The following DNMT3A variants were observed in gnomAD, a reference collection of about 807,000 sequenced individuals.
DNMT3A encodes DNA (cytosine-5)-methyltransferase 3A.
DNMT3A carries 267 observed loss-of-function variants against 117.6 expected under a neutral mutation model. The ratio of observed to expected loss-of-function variants is 2.27; its 90% CI spans 2.05 to 2.51. The LOEUF (loss-of-function observed/expected upper bound fraction) is 2.51. DNMT3A is among the 30% of genes most tolerant of loss of function. The pLI, the probability that DNMT3A is intolerant of heterozygous loss-of-function variation, is 0.00. For synonymous variants in DNMT3A, 432 were observed against 474.8 expected, an observed-to-expected ratio of 0.91 and a Z score of 1.17; for missense variants, 1,029 against 1,260.2, an observed-to-expected ratio of 0.82 and a Z score of 2.78.
intron 6 of DNMT3A, among the ~76,000 whole-genome samples, chr2:25,248,960 G>A (rs1044783998): frequency 6.6e-6 from 1 of 152,158 alleles, no homozygotes; most frequent in Admixed American, 6.5e-5. Context: ...TTGGTGTGCT[G>A]CACCCATTAA....
intron 20 of DNMT3A, 128 bp downstream of exon 20, chr2:25,239,002 A>G (rs2149266638): frequency 4.2e-6 from 3 of 711,064 alleles, no homozygotes; most frequent in East Asian, 2.7e-5. Context: ...AATAAGGAAC[A>G]TGGCAGAGCA....
At chr2:25,261,104 G>A (rs568715189) in intron 6 of DNMT3A, among the ~76,000 whole-genome samples, 4 of 152,174 alleles carry the variant, frequency 2.6e-5, no homozygotes, top group Admixed American at 2.6e-4. Context: ...GACCAGCCTG[G>A]CCAACATGGT....
At chr2:25,333,137 T>A (rs2035076011) in intron 1 of DNMT3A, among the ~76,000 whole-genome samples, 3 of 152,138 alleles carry the variant, frequency 2.0e-5, no homozygotes, top group Non-Finnish European at 4.4e-5. Context: ...TATTGGCAGC[T>A]GGAAAAAGGG....
rs995293980 is a variant in DNMT3A, at chr2:25,236,355, G to A, written c.2479-530C>T. On this transcript the variant is annotated intron_variant, in intron 21 of 22. Coordinates refer to ENST00000321117, the MANE Select transcript of DNMT3A (RefSeq NM_022552.5). This position sits in a 1 kb window ranked among gnomAD's most constrained non-coding sequence, Gnocchi z 4.5. ...ATTGGGATTATAGGCGTGAGCCACC[G>A]CACCCGGCCTAGCCACAGACTTTAG... 3.9e-5 allele frequency among the ~76,000 whole-genome samples: 6 copies of A among 152,132 alleles called. No individual in the cohort carries two copies. Among genetic ancestry groups the A allele is most frequent in the African/African-American group, 1.2e-4 (5 of 41,428 alleles).
chr2:25,243,903 G>A lies in DNMT3A; in HGVS notation c.1931C>T (p.Ala644Val). ...IRVLSLFDGI[A>V]TGLLVLKDLG... ...CTTGGGCCTGCACCCCTCACCTGTA[G>A]CGATTCCATCAAAGAGAGACAGCAC... Residue 644 changes from alanine (A) to valine (V), a missense_variant, in exon 16 of 23, where the codon GCT (alanine) becomes GTT (valine). Coordinates refer to ENST00000321117, the MANE Select transcript of DNMT3A (RefSeq NM_022552.5). 1 of 1,551,954 alleles carries A rather than the reference G, an allele frequency of 6.4e-7. No individual in the cohort carries two copies. Among genetic ancestry groups the A allele is most frequent in the Non-Finnish European group, 8.7e-7 (1 of 1,147,046 alleles).
In DNMT3A at chr2:25,327,144, A is replaced by C. The variant is rs1178086487; in HGVS notation, c.-177-12983T>G. Among the ~76,000 whole-genome samples the C allele has an allele frequency of 6.6e-6, 1 of 152,092 alleles. No individual in the cohort carries two copies. Among genetic ancestry groups the C allele is most frequent in the Admixed American group, 6.5e-5 (1 of 15,268 alleles). On this transcript the variant is annotated intron_variant, in intron 1 of 22. Coordinates refer to ENST00000321117, the MANE Select transcript of DNMT3A (RefSeq NM_022552.5). This position sits in a 1 kb window ranked among gnomAD's most constrained non-coding sequence, Gnocchi z 4.1. ...AACCCTAGAGGTAGGGGCTGTTCTC[A>C]TATCTATTATTTTTGTATTCTTTGG...
At chr2:25,249,631 C>T (rs1675270559) in intron 6 of DNMT3A, 1 of 1,613,990 alleles carries the variant, frequency 6.2e-7, no homozygotes, top group South Asian at 1.1e-5. Context: ...AGTTATTCTC[C>T]CATTGCACAG....
chr2:25,329,687 A>G (rs943308103), intron 1 of DNMT3A, among the ~76,000 whole-genome samples: 1 of 148,806 alleles, frequency 6.7e-6, no homozygotes, highest in Non-Finnish European at 1.5e-5. Flanking sequence ...ACACACACAC[A>G]CACACACACA....
chr2:25,247,561 C>A lies in DNMT3A; in HGVS notation c.1014+30G>T, dbSNP rs768468205. On this transcript the variant is annotated intron_variant, in intron 8 of 22. Coordinates refer to ENST00000321117, the MANE Select transcript of DNMT3A (RefSeq NM_022552.5). This position sits in a 1 kb window ranked among gnomAD's most constrained non-coding sequence, Gnocchi z 5.6. Reference sequence around the variant, plus strand: ...CCTGGGATCAAGAACCTTCCCCCACCCCAGGCTACTGCCAAACCCCACAAC... The same window carrying A: ...CCTGGGATCAAGAACCTTCCCCCACACCAGGCTACTGCCAAACCCCACAAC... The A allele has an allele frequency of 6.2e-7, 1 of 1,608,616 alleles. No individual in the cohort carries two copies. The highest frequency in any genetic ancestry group is 2.2e-5 in the East Asian group (1 of 44,780).
chr2:25,269,128 C>T (rs891665813), intron 6 of DNMT3A, among the ~76,000 whole-genome samples: 1 of 152,168 alleles, frequency 6.6e-6, no homozygotes, highest in South Asian at 2.1e-4. Flanking sequence ...TCGAGACCAG[C>T]CAGGTCAACA....
At chr2:25,246,964 G>A (rs1558670752) in intron 9 of DNMT3A, 87 bp downstream of exon 9, 12 of 1,512,448 alleles carry the variant, frequency 7.9e-6, no homozygotes, top group East Asian at 4.8e-5. Flanking sequence ...CTGGGCCTCC[G>A]TTCTGCTCAA....
rs1475919379 is a variant in DNMT3A at position 25,314,164 on chromosome 2, G to GT, written c.-177-4dup. 7.0e-7 allele frequency: 1 copy of GT among 1,423,630 alleles called. No individual in the cohort carries two copies. The highest frequency in any genetic ancestry group is 9.2e-7 in the Non-Finnish European group (1 of 1,092,658). The allele number at this position is 1,423,630 out of a possible 1,614,324, so 88.2% of individuals were successfully genotyped here. ...GGTGGGGGCTTCGATGGCTCCACCT[G>GT]TGGGGGAGAGAAGAGGATCAGTGGG... On this transcript the variant is annotated splice_polypyrimidine_tract_variant and splice_region_variant and intron_variant, in intron 1 of 22. Coordinates refer to ENST00000321117, the MANE Select transcript of DNMT3A (RefSeq NM_022552.5).
In DNMT3A at chr2:25,233,223, A is replaced by T; in HGVS notation, c.*1056T>A. The T allele has an allele frequency of 4.3e-6, 1 of 233,764 alleles. No homozygotes were observed. Among genetic ancestry groups the T allele is most frequent in the Non-Finnish European group, 8.5e-6 (1 of 118,034 alleles). The allele number at this position is 233,764 out of a possible 1,614,324, so 14.5% of individuals were successfully genotyped here. A position where few individuals can be genotyped will look rare whatever the true frequency, so the allele number is the denominator to read the frequency against. Reference sequence around the variant, plus strand: ...GTCCACGGGCCCGACCACCTCATCTAGCCCCCTTTTTGGCAGGGAGAACCT... The same window carrying T: ...GTCCACGGGCCCGACCACCTCATCTTGCCCCCTTTTTGGCAGGGAGAACCT... On this transcript the variant is annotated 3_prime_UTR_variant, in exon 23 of 23. Transcript: ENST00000321117.
rs995726989 is a variant in DNMT3A, at chr2:25,229,453, C to T, written c.*4826G>A. 3 of 152,288 alleles carry T rather than the reference C, an allele frequency of 2.0e-5. No individual in the cohort carries two copies. The highest frequency in any genetic ancestry group is 4.8e-5 in the African/African-American group (2 of 41,470). The allele number at this position is 152,288 out of a possible 1,614,324, so 9.4% of individuals were successfully genotyped here. A position where few individuals can be genotyped will look rare whatever the true frequency, so the allele number is the denominator to read the frequency against. The stretch of plus-strand genomic sequence containing the variant: ...CAGGCAGGACTCCCAGAGGACAACT[C>T]CAGGGTCGCTCTCTAGTCTCCAGCA... On this transcript the variant is annotated 3_prime_UTR_variant, in exon 23 of 23. Transcript: ENST00000321117.
At chr2:25,242,973 C>G (rs1674262707) in intron 16 of DNMT3A, among the ~76,000 whole-genome samples, 2 of 152,136 alleles carry the variant, frequency 1.3e-5, no homozygotes, top group South Asian at 4.1e-4. Context: ...AATTACGGCA[C>G]TTTGACTCAA....
Position 25,241,693 on chromosome 2 carries a change from T to C in DNMT3A, c.1951A>G (p.Lys651Glu), listed in dbSNP as rs1674064924. The C allele has an allele frequency of 6.2e-7, 1 of 1,613,646 alleles. No homozygotes were observed. Among genetic ancestry groups the C allele is most frequent in the Non-Finnish European group, 8.5e-7 (1 of 1,179,896 alleles). ...DGIATGLLVL[K>E]DLGIQVDRYI... ...CGGTCCACCTGAATGCCCAAGTCCT[T>C]CAGCACCAGGAGCCCTGCACCAGCC... The change falls in exon 17 of 23, where the codon AAG (lysine) becomes GAG (glutamate). Residue 651 changes from lysine (K) to glutamate (E), a missense_variant. Physicochemically the swap from Lys to Glu is moderately conservative, Grantham distance 56. Coordinates refer to ENST00000321117, the MANE Select transcript of DNMT3A (RefSeq NM_022552.5).
In DNMT3A at chr2:25,263,448, T is replaced by C. The variant is rs76387368; in HGVS notation, c.639+11493A>G. Among the ~76,000 whole-genome samples, 532 of 152,214 alleles carry C rather than the reference T, an allele frequency of 3.5e-3. 3 individuals carry two copies. Among genetic ancestry groups the C allele is most frequent in the African/African-American group, 0.012 (511 of 41,508 alleles). ...CCTCTGGGACAGGGACTATATCCAA[T>C]TGGTCTCCCCCTACCCCGCCACTAG... On this transcript the variant is annotated intron_variant, in intron 6 of 22. Transcript: ENST00000321117.
intron 11 of DNMT3A, 25 bp from the exon 12 acceptor site, chr2:25,246,089 C>G (rs947447325): frequency 1.2e-6 from 2 of 1,614,182 alleles, no homozygotes; most frequent in Non-Finnish European, 1.7e-6. Context: ...GAGCTGGCGT[C>G]AGAGGAGGCC....
At position 25,245,344 on chromosome 2, in the gene DNMT3A, A is replaced by G. The variant is rs1366774659; in HGVS notation, c.1475-12T>C. On this transcript the variant is annotated splice_polypyrimidine_tract_variant and intron_variant, in intron 12 of 22. Coordinates refer to ENST00000321117, the MANE Select transcript of DNMT3A (RefSeq NM_022552.5). ...GGAGATGCAGATGTCTGGAAAGCAGAGGGAGGGGATGGGGTGAGTACCACC... is the reference window on the plus strand; with the variant it reads ...GGAGATGCAGATGTCTGGAAAGCAGGGGGAGGGGATGGGGTGAGTACCACC... The G allele has an allele frequency of 6.2e-7, 1 of 1,613,064 alleles. No homozygotes were observed. Among genetic ancestry groups the G allele is most frequent in the Middle Eastern group, 1.7e-4 (1 of 6,060 alleles).
Sources: allele counts gnomAD v4.1 joint callset (sites outside exome capture counted in the v4.1 genomes callset), GRCh38; gene constraint gnomAD v4.1.1; non-coding constraint Gnocchi (gnomAD v3.1); transcripts MANE v1.5; gene names NCBI Gene and HGNC (gene_info 2026-07-23, HGNC 2026-07-21).